NEK10: variants seen among roughly 807,000 people sequenced by gnomAD.
NEK10 encodes NIMA related kinase 10.
A neutral mutation model predicts 159.8 loss-of-function variants in NEK10; 122 were observed. The observed-to-expected ratio is 0.76, with a 90% CI of 0.66 to 0.89. The LOEUF (loss-of-function observed/expected upper bound fraction) is 0.89. Among genes scored for constraint, NEK10 ranks in the 40% least tolerant of loss-of-function variants. The pLI is 0.00. For synonymous variants in NEK10, 466 were observed against 457.1 expected (o/e 1.02, Z -0.25); for missense variants, 1,342 against 1,323.1 (o/e 1.01, Z -0.22).
intron 8 of NEK10, chr3:27,311,701 TTTG>T (rs2044712828): frequency 4.6e-6 from 1 of 216,748 alleles, no homozygotes; most frequent in Non-Finnish European, 9.2e-6. Context: ...TCAGATAAGG[TTTG>T]TTGTTATTTT....
Position 27,352,861 on chromosome 3 carries a change from C to G in NEK10, c.22G>C (p.Val8Leu), listed in dbSNP as rs958082978. 1 of 1,609,246 alleles carries G rather than the reference C, an allele frequency of 6.2e-7. No individual in the cohort carries two copies. The highest frequency in any genetic ancestry group is 1.3e-5 in the African/African-American group (1 of 74,812). Residue 8 changes from valine to leucine, a missense_variant, in exon 2 of 36, where the codon GTG becomes CTG. Coordinates refer to ENST00000691995, the MANE Select transcript of NEK10 (RefSeq NM_001394966.1). ...TCAGTTGATTTTTCTGTGGTCTTCA[C>G]CTTTTTATCTTGATCAGGCATTGTA... MPDQDKK[V>L]KTTEKSTDKQ...
At chr3:27,295,889 T>C (rs1458111298) in intron 14 of NEK10, among the ~76,000 whole-genome samples, 199 bp from the exon 15 acceptor site, 7 of 152,234 alleles carry the variant, frequency 4.6e-5, no homozygotes, top group Admixed American at 2.0e-4. Context: ...AACTACAATT[T>C]TAAAATTTCA....
chr3:27,114,636 C>T (rs954888103), intron 35 of NEK10, among the ~76,000 whole-genome samples: 2 of 152,178 alleles, frequency 1.3e-5, no homozygotes, highest in African/African-American at 4.8e-5. Context: ...ACAGGATGTT[C>T]TTGAGCCCTC....
chr3:27,238,286 G>A (rs1285732753), intron 23 of NEK10, among the ~76,000 whole-genome samples: 1 of 152,176 alleles, frequency 6.6e-6, no homozygotes, highest in African/African-American at 2.4e-5. Context: ...ATTAATATCA[G>A]TATTTGTGTA....
chr3:27,227,237 G>T (rs556616190), intron 23 of NEK10, among the ~76,000 whole-genome samples: 41 of 152,260 alleles, frequency 2.7e-4, no homozygotes, highest in Admixed American at 2.6e-3. Context: ...TGATGCCCTT[G>T]AGGAAATGGA....
chr3:27,113,242 C>T (rs1205956000), intron 35 of NEK10, among the ~76,000 whole-genome samples: 9 of 151,696 alleles, frequency 5.9e-5, no homozygotes. Context: ...ATCAGCCTGG[C>T]CAACATGAAG....
At chr3:27,207,774 T>G (rs748564037) in intron 23 of NEK10, among the ~76,000 whole-genome samples, 1 of 152,106 alleles carries the variant, frequency 6.6e-6, no homozygotes, top group Non-Finnish European at 1.5e-5. Context: ...GAGAACTAAC[T>G]TATCACTGTT....
intron 26 of NEK10, among the ~76,000 whole-genome samples, chr3:27,191,659 C>T (rs904853152): frequency 3.3e-5 from 5 of 152,310 alleles, no homozygotes; most frequent in African/African-American, 7.2e-5. Flanking sequence ...AATGTTATTT[C>T]CTTCTCTGAA....
At chr3:27,175,942 C>A (rs1032471861) in intron 26 of NEK10, among the ~76,000 whole-genome samples, 2 of 152,116 alleles carry the variant, frequency 1.3e-5, no homozygotes, top group Non-Finnish European at 2.9e-5. Context: ...TCAGAGACAG[C>A]CTTATTTATT....
chr3:27,107,397 T>C lies in NEK10; in HGVS notation c.*3875A>G, dbSNP rs1235562517. ...AAGAATTCCTTTATCACAAAGCTGTTTCCCTGAGAAATTTGTGTCTTCCTA... is the reference window on the plus strand; with the variant it reads ...AAGAATTCCTTTATCACAAAGCTGTCTCCCTGAGAAATTTGTGTCTTCCTA... On this transcript the variant is annotated 3_prime_UTR_variant, in exon 36 of 36. Coordinates refer to ENST00000691995, the MANE Select transcript of NEK10 (RefSeq NM_001394966.1). 1.3e-5 allele frequency among the ~76,000 whole-genome samples: 2 copies of C among 152,168 alleles called. No homozygotes were observed. Among genetic ancestry groups the C allele is most frequent in the Non-Finnish European group, 2.9e-5 (2 of 68,026 alleles).
intron 5 of NEK10, among the ~76,000 whole-genome samples, chr3:27,325,885 G>A (rs1002649270): frequency 1.3e-5 from 2 of 152,148 alleles, no homozygotes; most frequent in African/African-American, 4.8e-5. Context: ...GCCCACCACA[G>A]TTGCCATCAA....
At chr3:27,252,128 C>T in intron 23 of NEK10, 1 of 361,112 alleles carries the variant, frequency 2.8e-6, no homozygotes, top group Admixed American at 2.9e-5. Context: ...CAGTGGTGAA[C>T]AAAGGAGACG....
intron 6 of NEK10, among the ~76,000 whole-genome samples, chr3:27,315,610 A>G (rs1465965185): frequency 6.6e-6 from 1 of 151,650 alleles, no homozygotes; most frequent in Non-Finnish European, 1.5e-5. Context: ...AAAACCAGTT[A>G]TATTTATTCA....
At chr3:27,277,095 T>C (rs2041827124) in intron 22 of NEK10, among the ~76,000 whole-genome samples, 1 of 152,160 alleles carries the variant, frequency 6.6e-6, no homozygotes, top group South Asian at 2.1e-4. Flanking sequence ...TTTTTTTTTC[T>C]AGATTTTACC....
rs1219139285 is a variant in NEK10, at chr3:27,291,590, C to T, written c.1374-4G>A. On this transcript the variant is annotated splice_region_variant and splice_polypyrimidine_tract_variant and intron_variant, in intron 16 of 35. Coordinates refer to ENST00000691995, the MANE Select transcript of NEK10 (RefSeq NM_001394966.1). ...AAACAAGTCTGTGGGGAAAAGTCTACAGAGAATATTACACACACTTAAAGT... is the reference window on the plus strand; with the variant it reads ...AAACAAGTCTGTGGGGAAAAGTCTATAGAGAATATTACACACACTTAAAGT... 2.0e-6 allele frequency: 3 copies of T among 1,496,596 alleles called. No homozygotes were observed. Among genetic ancestry groups the T allele is most frequent in the Admixed American group, 3.3e-5 (2 of 59,742 alleles). The allele number at this position is 1,496,596 out of a possible 1,614,324, so 92.7% of individuals were successfully genotyped here.
chr3:27,365,224 G>A (rs1024783910), intron 1 of NEK10, among the ~76,000 whole-genome samples: 1 of 152,058 alleles, frequency 6.6e-6, no homozygotes, highest in African/African-American at 2.4e-5. Flanking sequence ...TTTTCCTCAT[G>A]GCCCAAGGTC....
intron 5 of NEK10, among the ~76,000 whole-genome samples, chr3:27,331,262 A>AAAAAAAAAAAAAAAACAAAAAAAC: frequency 9.1e-6 from 1 of 110,082 alleles, no homozygotes; most frequent in Non-Finnish European, 2.0e-5. Context: ...AAAAAAAAAA[A>AAAAAAAAAAAAAAAACAAAAAAAC]ACACACAAAC....
At chr3:27,282,216 G>T in intron 22 of NEK10, among the ~76,000 whole-genome samples, 1 of 152,028 alleles carries the variant, frequency 6.6e-6, no homozygotes, top group South Asian at 2.1e-4. Flanking sequence ...GTGGAGACGT[G>T]GCCATTTTGT....
intron 32 of NEK10, among the ~76,000 whole-genome samples, chr3:27,130,624 T>C (rs1942507362): frequency 6.6e-6 from 1 of 152,120 alleles, no homozygotes. Flanking sequence ...TTAAAATAAG[T>C]CTATGCTCAA....
Sources: gnomAD v4.1 joint callset for allele counts (sites outside exome capture counted in the v4.1 genomes callset) on GRCh38, gnomAD v4.1.1 for gene constraint, MANE v1.5 for transcripts, NCBI Gene and HGNC (gene_info 2026-07-23, HGNC 2026-07-21) for gene names.